Variants in PRDM16 observed in about 807,000 individuals in gnomAD.
PRDM16 encodes PR/SET domain 16, also known as histone-lysine N-methyltransferase PRDM16.
PRDM16 carries 23 observed loss-of-function variants against 110.6 expected under a neutral mutation model. The ratio of observed to expected loss-of-function variants is 0.21; its 90% confidence interval spans 0.15 to 0.29. PRDM16 has a LOEUF of 0.29. Ranked by LOEUF, PRDM16 falls within the 10% of genes least tolerant of loss-of-function variation. The pLI, the probability that PRDM16 is intolerant of heterozygous loss-of-function variation, is 1.00. For missense variants in PRDM16, 1,615 were observed against 1,794.3 expected (o/e 0.90, Z 1.81); for synonymous variants, 799 against 781.8 (o/e 1.02, Z -0.37).
intron 3 of PRDM16, among the ~76,000 whole-genome samples, chr1:3,338,022 C>T (rs1409160002): frequency 1.3e-5 from 2 of 152,256 alleles, no homozygotes; most frequent in Admixed American, 6.5e-5. Flanking sequence ...TACACACAGA[C>T]ACATGTGCAC....
intron 3 of PRDM16, among the ~76,000 whole-genome samples, chr1:3,320,048 CACCTACCAGG>C (rs1277020643): frequency 6.6e-6 from 1 of 152,190 alleles, no homozygotes; most frequent in Admixed American, 6.5e-5. Context: ...CTGGTGGCCA[CACCTACCAGG>C]TGTGGCCTCT....
chr1:3,413,175 C>T (rs1021528221), intron 9 of PRDM16, among the ~76,000 whole-genome samples: 13 of 140,628 alleles, frequency 9.2e-5, no homozygotes, highest in African/African-American at 1.5e-4. Flanking sequence ...CTCCAGCTGT[C>T]GTCTCTGGTC....
chr1:3,163,518 C>T (rs182913434), intron 1 of PRDM16, among the ~76,000 whole-genome samples: 304 of 152,314 alleles, frequency 2.0e-3, no homozygotes, highest in South Asian at 3.5e-3. Context: ...AAAACCCACG[C>T]GGCGTTAGCT....
chr1:3,141,077 AGAACTCTGGG>A (rs1643541431), intron 1 of PRDM16, among the ~76,000 whole-genome samples: 3 of 152,232 alleles, frequency 2.0e-5, no homozygotes, highest in Non-Finnish European at 4.4e-5. Context: ...CTTGGCTCCC[AGAACTCTGGG>A]GGAAAACACT....
rs574812602 is a variant in PRDM16 at position 3,400,590 on chromosome 1, A to C, written c.677-2201A>C. Among the ~76,000 whole-genome samples, 17 of 152,188 alleles carry C rather than the reference A, an allele frequency of 1.1e-4. No homozygotes were observed. In the East Asian group the frequency reaches 2.9e-3, roughly 26 times the overall value. The stretch of plus-strand genomic sequence containing the variant: ...AGCTCCGAATGGCAGCCTTCCCCGG[A>C]GAGGTTTGGGACGGAGCCCTCCAAG... On this transcript the variant is annotated intron_variant, in intron 5 of 16. Coordinates refer to ENST00000270722, the MANE Select transcript of PRDM16 (RefSeq NM_022114.4).
rs1639798565 is a variant in PRDM16 at position 3,246,740 on chromosome 1, A to C, written c.438+2603A>C. Among the ~76,000 whole-genome samples, 1 of 152,176 alleles carries C rather than the reference A, an allele frequency of 6.6e-6. No individual in the cohort carries two copies. On this transcript the variant is annotated intron_variant, in intron 3 of 16. Coordinates refer to ENST00000270722, the MANE Select transcript of PRDM16 (RefSeq NM_022114.4). The surrounding 1 kb of genome is among the most constrained non-coding windows in gnomAD (Gnocchi z 5.2). ...TGTTTGCCAAGGCCATGCTGGTGGG[A>C]GAATCAGATCCCTAACCCCAGGGCT...
chr1:3,207,611 T>C (rs2100838726), intron 2 of PRDM16: 1 of 152,480 alleles, frequency 6.6e-6, no homozygotes, highest in East Asian at 1.9e-4. Context: ...CAAACAGGCA[T>C]TCTGTGAAAG....
intron 2 of PRDM16, among the ~76,000 whole-genome samples, chr1:3,197,115 A>C (rs1638498898): frequency 6.6e-6 from 1 of 152,126 alleles, no homozygotes; most frequent in South Asian, 2.1e-4. Context: ...GATGGCTAAG[A>C]TAGGAGGGGC....
At position 3,209,128 on chromosome 1, in the gene PRDM16, GTGGCTT is replaced by G; in HGVS notation, c.387+22657_387+22662del. ...AAACCTGGGGCAGGGTGGACAGCAG[GTGGCTT>G]TGAATATCCTAGTCAAAAATATGGG... On this transcript the variant is annotated intron_variant, in intron 2 of 16. Transcript: ENST00000270722. The surrounding 1 kb of genome is among the most constrained non-coding windows in gnomAD (Gnocchi z 4.6). Among the ~76,000 whole-genome samples, 1 of 152,192 alleles carries G rather than the reference GTGGCTT, an allele frequency of 6.6e-6. No homozygotes were observed. Among genetic ancestry groups the G allele is most frequent in the Non-Finnish European group, 1.5e-5 (1 of 68,030 alleles).
Position 3,412,519 on chromosome 1 carries a change from T to C in PRDM16, c.2322T>C (p.Asp774=). 4 of 1,612,864 alleles carry C rather than the reference T, an allele frequency of 2.5e-6. No homozygotes were observed. Among genetic ancestry groups the C allele is most frequent in the Non-Finnish European group, 3.4e-6 (4 of 1,179,968 alleles). ...VGGPSAECPF[D]LTTKPKDVKP... is the part of the protein sequence containing the mutation. ...GCCCCAGTGCCGAGTGCCCCTTTGATCTCACCACCAAGCCCAAAGACGTGA... is the reference window on the plus strand; with the variant it reads ...GCCCCAGTGCCGAGTGCCCCTTTGACCTCACCACCAAGCCCAAAGACGTGA... The change falls in exon 9 of 17, where the codon GAT becomes GAC. Residue 774 remains aspartate (D), a synonymous_variant. Coordinates refer to ENST00000270722, the MANE Select transcript of PRDM16 (RefSeq NM_022114.4).
intron 3 of PRDM16, among the ~76,000 whole-genome samples, chr1:3,373,652 A>G (rs1642944319): frequency 1.3e-5 from 2 of 152,182 alleles, no homozygotes; most frequent in African/African-American, 4.8e-5. Flanking sequence ...CAGACGCGGG[A>G]CCTGGAGCTT....
rs746465588 is a variant in PRDM16 at position 3,431,029 on chromosome 1, G to C, written c.3442G>C (p.Glu1148Gln). 6.4e-7 allele frequency: 1 copy of C among 1,569,902 alleles called. No individual in the cohort carries two copies. Among genetic ancestry groups the C allele is most frequent in the Non-Finnish European group, 8.6e-7 (1 of 1,157,588 alleles). The change falls in exon 15 of 17, where the codon GAG becomes CAG. Residue 1148 changes from glutamate (E) to glutamine (Q), a missense_variant. Transcript: ENST00000270722. ...GGATGACACCGTGTCCCCCGCACCC[G>C]AGCCCCAGGCCGCCTACGAGGATGA... ...SQDDTVSPAP[E>Q]PQAAYEDEED...
intron 2 of PRDM16, among the ~76,000 whole-genome samples, chr1:3,202,659 C>A: frequency 6.6e-6 from 1 of 152,210 alleles, no homozygotes; most frequent in South Asian, 2.1e-4. Flanking sequence ...TCCTTTTCAA[C>A]CTCAGTAGCT....
In PRDM16 at chr1:3,429,913, G is replaced by A. The variant is rs543114468; in HGVS notation, c.3285-959G>A. On this transcript the variant is annotated intron_variant, in intron 14 of 16. Coordinates refer to ENST00000270722, the MANE Select transcript of PRDM16 (RefSeq NM_022114.4). Reference sequence around the variant, plus strand: ...TGTCACTTTCTTGCTTGGATGCCAAGAGCAGGACCCCTGCATCTCACCCAC... The same window carrying A: ...TGTCACTTTCTTGCTTGGATGCCAAAAGCAGGACCCCTGCATCTCACCCAC... Among the ~76,000 whole-genome samples, 28 of 152,346 alleles carry A rather than the reference G, an allele frequency of 1.8e-4. No homozygotes were observed. The South Asian group carries it at 4.6e-3, about 25-fold the overall frequency.
chr1:3,124,336 C>T (rs1030688507), intron 1 of PRDM16, among the ~76,000 whole-genome samples: 1 of 152,214 alleles, frequency 6.6e-6, no homozygotes, highest in Non-Finnish European at 1.5e-5. Flanking sequence ...TCCTGTTTTG[C>T]AGAGAGCTCT....
chr1:3,382,024 G>A lies in PRDM16; in HGVS notation c.439-3128G>A, dbSNP rs1163302922. ...AGCCCAGCCTCGCTCCCTTCCTGTG[G>A]CAGAGGAAGATGGCAGGGCTGCCGA... On this transcript the variant is annotated intron_variant, in intron 3 of 16. Transcript: ENST00000270722. The surrounding 1 kb of genome is among the most constrained non-coding windows in gnomAD (Gnocchi z 6.6). Among the ~76,000 whole-genome samples the A allele has an allele frequency of 1.3e-5, 2 of 152,240 alleles. No homozygotes were observed. The highest frequency in any genetic ancestry group is 2.9e-5 in the Non-Finnish European group (2 of 68,044).
At chr1:3,161,984 C>T (rs534465945) in intron 1 of PRDM16, among the ~76,000 whole-genome samples, 17 of 152,208 alleles carry the variant, frequency 1.1e-4, no homozygotes, top group Admixed American at 2.6e-4. Context: ...GGTTGGACGT[C>T]GCCAGGGTGG....
At chr1:3,398,078 CATTTTCCTTAAA>C (rs1278196037) in intron 5 of PRDM16, among the ~76,000 whole-genome samples, 1 of 152,158 alleles carries the variant, frequency 6.6e-6, no homozygotes, top group Non-Finnish European at 1.5e-5. Context: ...GGGAGGGCCT[CATTTTCCTTAAA>C]ATAATTGTTG....
chr1:3,150,462 G>A (rs538239470), intron 1 of PRDM16, among the ~76,000 whole-genome samples: 25 of 152,246 alleles, frequency 1.6e-4, no homozygotes, highest in African/African-American at 5.8e-4. Context: ...GGGAGGTAAG[G>A]TGGGAGAATC....
Sources: allele counts gnomAD v4.1 joint callset (sites outside exome capture counted in the v4.1 genomes callset), GRCh38; gene constraint gnomAD v4.1.1; non-coding constraint Gnocchi (gnomAD v3.1); transcripts MANE v1.5; gene names NCBI Gene and HGNC (gene_info 2026-07-23, HGNC 2026-07-21).